The following TENM4 variants were observed in gnomAD, a reference collection of about 807,000 sequenced individuals.
TENM4 encodes the protein teneurin-4.
Under a neutral mutation model 243.3 loss-of-function variants are expected in TENM4, and 82 were observed. The ratio of observed to expected loss-of-function variants is 0.34; its 90% CI spans 0.28 to 0.40. TENM4 has a LOEUF of 0.40. TENM4 is among the 10% of genes least tolerant of loss of function. TENM4 has a pLI of 1.00. For synonymous variants in TENM4, 1,412 were observed against 1,456.3 expected (o/e 0.97, Z 0.69); for missense variants, 3,138 against 3,673.3 (o/e 0.85, Z 3.77).
intron 6 of TENM4, among the ~76,000 whole-genome samples, chr11:79,039,955 A>C (rs966521329): frequency 6.6e-6 from 1 of 152,202 alleles, no homozygotes; most frequent in African/African-American, 2.4e-5. Context: ...TCATATTAGC[A>C]AATGAAAATT....
intron 6 of TENM4, among the ~76,000 whole-genome samples, chr11:79,037,800 C>A (rs1313559178): frequency 6.6e-6 from 1 of 152,100 alleles, no homozygotes; most frequent in Non-Finnish European, 1.5e-5. Context: ...ATGTAACGGT[C>A]AAGGGAACTA....
At chr11:78,819,270 C>T (rs1040376385) in intron 12 of TENM4, among the ~76,000 whole-genome samples, 5 of 152,182 alleles carry the variant, frequency 3.3e-5, no homozygotes, top group African/African-American at 9.7e-5. Context: ...AAATCATTAG[C>T]GCAGCTATGT....
At position 78,701,756 on chromosome 11, in the gene TENM4, T is replaced by C. The variant is rs374132662; in HGVS notation, c.4857A>G (p.Thr1619=). 187 of 1,613,818 alleles carry C rather than the reference T, an allele frequency of 1.2e-4. No individual in the cohort carries two copies. The highest frequency in any genetic ancestry group is 1.5e-4 in the Non-Finnish European group (182 of 1,179,894). ...TGTTGCCATTGTTGTCTGTGATGAG[T>C]GTGATGTCGCCGTCCCCAGTGTAGG... ...NFTYTGDGDI[T]LITDNNGNMV... is the part of the protein sequence containing the mutation. The change falls in exon 28 of 34, where the codon ACA becomes ACG. Residue 1619 remains threonine (T), a synonymous_variant. Coordinates refer to ENST00000278550, the MANE Select transcript of TENM4 (RefSeq NM_001098816.3).
chr11:79,363,102 T>A (rs1857618802), intron 1 of TENM4, among the ~76,000 whole-genome samples: 1 of 152,260 alleles, frequency 6.6e-6, no homozygotes, highest in South Asian at 2.1e-4. Flanking sequence ...TTTCTTTTAA[T>A]TAAATTAACT....
chr11:78,755,133 G>A (rs1856277169), intron 19 of TENM4, among the ~76,000 whole-genome samples: 2 of 152,104 alleles, frequency 1.3e-5, no homozygotes, highest in South Asian at 4.2e-4. Flanking sequence ...TTCAGTCCCT[G>A]CTCTTTTCTC....
chr11:78,884,972 C>T (rs187767045), intron 9 of TENM4, among the ~76,000 whole-genome samples: 16 of 151,044 alleles, frequency 1.1e-4, no homozygotes, highest in East Asian at 5.8e-4. Flanking sequence ...CAGAAGGGCA[C>T]GTGGACAGCA....
rs964315876 is a variant in TENM4, at chr11:79,202,788, G to A, written c.-163+13020C>T. 6.6e-5 allele frequency among the ~76,000 whole-genome samples: 10 copies of A among 152,320 alleles called. No homozygotes were observed. In the East Asian group the frequency reaches 7.7e-4, roughly 12 times the overall value. On this transcript the variant is annotated intron_variant, in intron 3 of 33. Coordinates refer to ENST00000278550, the MANE Select transcript of TENM4 (RefSeq NM_001098816.3). ...AGCTCCCAGACAACTGAGAGGAGGT[G>A]CTCATGGCAGTTCTAGGTGGCTTTA...
Position 78,805,277 on chromosome 11 carries a change from T to TGCCCCCCCA in TENM4, c.2179+14_2179+15insTGGGGGGGC. 12 of 1,402,526 alleles carry TGCCCCCCCA rather than the reference T, an allele frequency of 8.6e-6. No homozygotes were observed. The highest frequency in any genetic ancestry group is 3.1e-5 in the East Asian group (1 of 32,216). 86.9% of individuals were successfully genotyped at this position (1,402,526 alleles called of 1,614,324 possible). A position where few individuals can be genotyped will look rare whatever the true frequency, so the allele number is the denominator to read the frequency against. ...CCCCTCCCTCTACCCATGCTTCTTC[T>TGCCCCCCCA]CCCCCTGCATTTACCGATAGAACAG... On this transcript the variant is annotated intron_variant, in intron 15 of 33. Coordinates refer to ENST00000278550, the MANE Select transcript of TENM4 (RefSeq NM_001098816.3).
intron 19 of TENM4, among the ~76,000 whole-genome samples, chr11:78,743,490 T>G (rs564008027): frequency 6.6e-6 from 1 of 152,322 alleles, no homozygotes; most frequent in South Asian, 2.1e-4. Flanking sequence ...AGAGCTTATG[T>G]GCTTCTGTAA....
chr11:78,821,466 T>A (rs1171006236), intron 12 of TENM4, among the ~76,000 whole-genome samples: 1 of 152,162 alleles, frequency 6.6e-6, no homozygotes, highest in Non-Finnish European at 1.5e-5. Context: ...CCAAGAAACA[T>A]ACTGTTTCCT....
chr11:79,015,862 G>A (rs142918351), intron 6 of TENM4, among the ~76,000 whole-genome samples: 50 of 152,294 alleles, frequency 3.3e-4, no homozygotes, highest in Admixed American at 1.2e-3. Flanking sequence ...CTTGAGAGAG[G>A]ATACCAAGGC....
At position 79,347,252 on chromosome 11, in the gene TENM4, T is replaced by C. The variant is rs1008905681; in HGVS notation, c.-320-49709A>G. On this transcript the variant is annotated intron_variant, in intron 1 of 33. Coordinates refer to ENST00000278550, the MANE Select transcript of TENM4 (RefSeq NM_001098816.3). ...GCTTCCAGGCAGGTCCTTCAGCCTC[T>C]TACCCCCATACCCCACTAGTCACCA... Among the ~76,000 whole-genome samples the C allele has an allele frequency of 3.3e-5, 5 of 152,146 alleles. No homozygotes were observed. In the East Asian group the frequency reaches 9.6e-4, roughly 29 times the overall value.
At chr11:78,929,541 G>T (rs1204615836) in intron 6 of TENM4, among the ~76,000 whole-genome samples, 1 of 152,204 alleles carries the variant, frequency 6.6e-6, no homozygotes, top group Non-Finnish European at 1.5e-5. Context: ...GTCTTTAAAT[G>T]GTTCTTGGGG....
intron 2 of TENM4, among the ~76,000 whole-genome samples, chr11:79,239,620 C>T (rs898225935): frequency 7.2e-5 from 11 of 152,166 alleles, no homozygotes; most frequent in Admixed American, 3.9e-4. Flanking sequence ...CAGAGAAATA[C>T]AAGACATGTG....
At chr11:78,894,316 C>A (rs1855738706) in intron 7 of TENM4, among the ~76,000 whole-genome samples, 1 of 151,952 alleles carries the variant, frequency 6.6e-6, no homozygotes, top group African/African-American at 2.4e-5. Context: ...AGGCTCAGAT[C>A]CCATTTTAAG....
chr11:78,885,077 T>C (rs1344980759), intron 9 of TENM4, among the ~76,000 whole-genome samples: 1 of 152,186 alleles, frequency 6.6e-6, no homozygotes, highest in East Asian at 1.9e-4. Context: ...AAACATGTTT[T>C]AAAAACAATT....
Position 79,010,421 on chromosome 11 carries a change from G to A in TENM4, c.493+54317C>T, listed in dbSNP as rs568505967. The stretch of plus-strand genomic sequence containing the variant: ...CAGGGAGGCCGGAAGTCTTCACTGG[G>A]CTTCCATTGCTCTGGGGGAGTTTTC... On this transcript the variant is annotated intron_variant, in intron 6 of 33. Transcript: ENST00000278550. Among the ~76,000 whole-genome samples, 17 of 152,228 alleles carry A rather than the reference G, an allele frequency of 1.1e-4. No individual in the cohort carries two copies. The South Asian group carries it at 3.5e-3, about 32-fold the overall frequency.
chr11:78,795,363 T>C lies in TENM4; in HGVS notation c.2180-8280A>G, dbSNP rs112735558. 2.8e-3 allele frequency among the ~76,000 whole-genome samples: 431 copies of C among 152,204 alleles called. 2 individuals are homozygous for C. The highest frequency in any genetic ancestry group is 9.5e-3 in the African/African-American group (393 of 41,510). On this transcript the variant is annotated intron_variant, in intron 15 of 33. Coordinates refer to ENST00000278550, the MANE Select transcript of TENM4 (RefSeq NM_001098816.3). ...CAGATTCCAGTGGTACAGGACAGAG[T>C]GCTCACGTAACTGTTCAAGATTCTG...
At chr11:78,676,702 G>C (rs575323910) in intron 29 of TENM4, among the ~76,000 whole-genome samples, 5 of 152,104 alleles carry the variant, frequency 3.3e-5, no homozygotes, top group Admixed American at 6.5e-5. Flanking sequence ...ATTATATCAT[G>C]TTACTGAATA....
Sources: allele counts gnomAD v4.1 joint callset (sites outside exome capture counted in the v4.1 genomes callset), GRCh38; gene constraint gnomAD v4.1.1; transcripts MANE v1.5; gene names NCBI Gene and HGNC (gene_info 2026-07-23, HGNC 2026-07-21).